Variants in NCLN observed in about 807,000 individuals in gnomAD.
NCLN encodes the protein nicalin.
Under a neutral mutation model 69.5 loss-of-function variants are expected in NCLN, and 34 were observed. The observed-to-expected ratio is 0.49, with a 90% confidence interval of 0.37 to 0.65. The LOEUF is 0.65. Ranked by LOEUF, NCLN falls within the 30% of genes least tolerant of loss-of-function variation. NCLN has a pLI of 0.00. For missense variants in NCLN, 710 were observed against 804.8 expected (o/e 0.88, Z 1.42); for synonymous variants, 393 against 358.3 (o/e 1.10, Z -1.09).
chr19:3,203,512 G>C (rs952488872), intron 6 of NCLN, among the ~76,000 whole-genome samples: 3 of 152,144 alleles, frequency 2.0e-5, no homozygotes, highest in Non-Finnish European at 4.4e-5. Context: ...TCCCGGTATG[G>C]GGTGGGTGAG....
intron 8 of NCLN, 95 bp downstream of exon 8, chr19:3,204,239 C>T (rs892886630): frequency 1.6e-4 from 221 of 1,379,452 alleles, no homozygotes; most frequent in South Asian, 8.2e-4. Flanking sequence ...CCTTGCTGTC[C>T]GCCCCTCAGG....
Position 3,207,791 on chromosome 19 carries a change from G to A in NCLN, c.*103G>A. On this transcript the variant is annotated 3_prime_UTR_variant, in exon 15 of 15. Transcript: ENST00000246117. ...GCCGCGGGCGGCCCTGCAGGGACAG[G>A]GGCCCTCTCCCTCCCCGGCGGTGGT... 2 of 962,074 alleles carry A rather than the reference G, an allele frequency of 2.1e-6. No homozygotes were observed. The highest frequency in any genetic ancestry group is 1.4e-5 in the South Asian group (1 of 70,580). 59.6% of individuals were successfully genotyped at this position (962,074 alleles called of 1,614,324 possible).
intron 5 of NCLN, 101 bp downstream of exon 5, chr19:3,198,998 C>A: frequency 3.8e-6 from 3 of 793,804 alleles, no homozygotes; most frequent in Non-Finnish European, 5.4e-6. Flanking sequence ...CGGCCAGGGT[C>A]AGCGGCTCTC....
At chr19:3,202,956 G>C (rs1916165792) in intron 6 of NCLN, among the ~76,000 whole-genome samples, 3 of 152,194 alleles carry the variant, frequency 2.0e-5, no homozygotes, top group South Asian at 2.1e-4. Flanking sequence ...GATGGGGGTA[G>C]GGGGCGTGCT....
intron 1 of NCLN, among the ~76,000 whole-genome samples, chr19:3,187,478 C>T (rs1038893746): frequency 2.6e-5 from 4 of 152,204 alleles, no homozygotes; most frequent in Admixed American, 2.0e-4. Context: ...GCGCGGGGAC[C>T]CCCAGCTTCT....
chr19:3,199,170 C>T (rs371081062), intron 5 of NCLN, among the ~76,000 whole-genome samples: 3 of 152,314 alleles, frequency 2.0e-5, no homozygotes, highest in South Asian at 2.1e-4. Context: ...CAGGGTTCCC[C>T]GGGCCAGCGC....
chr19:3,201,897 G>A (rs1916135225), intron 6 of NCLN, among the ~76,000 whole-genome samples: 1 of 152,164 alleles, frequency 6.6e-6, no homozygotes, highest in Non-Finnish European at 1.5e-5. Flanking sequence ...CCGGTTAAGG[G>A]CCCTGGAACT....
chr19:3,187,040 C>A (rs1159691795), intron 1 of NCLN, among the ~76,000 whole-genome samples: 1 of 151,800 alleles, frequency 6.6e-6, no homozygotes, highest in Non-Finnish European at 1.5e-5. Flanking sequence ...TTCCCTTTGA[C>A]CCCCTTTCTG....
chr19:3,189,542 G>A (rs1360191192), intron 1 of NCLN, among the ~76,000 whole-genome samples: 1 of 152,258 alleles, frequency 6.6e-6, no homozygotes, highest in Admixed American at 6.5e-5. Flanking sequence ...AGATAGACAG[G>A]TGCCCAGGCC....
rs563302059 is a variant in NCLN, at chr19:3,196,193, C to G, written c.531C>G (p.Arg177=). 2.6e-6 allele frequency: 4 copies of G among 1,552,644 alleles called. No individual in the cohort carries two copies. In the South Asian group the frequency reaches 4.8e-5, roughly 18 times the overall value. Residue 177 remains arginine, a synonymous_variant, in exon 4 of 15, where the codon CGC becomes CGG. Coordinates refer to ENST00000246117, the MANE Select transcript of NCLN (RefSeq NM_020170.4). ...GSASAAEVLL[R]TATANGFQMV... ...TCTCCCTCTCCCTAGTACTGCTGCGCACGGCCACTGCCAACGGCTTCCAGA... is the reference window on the plus strand; with the variant it reads ...TCTCCCTCTCCCTAGTACTGCTGCGGACGGCCACTGCCAACGGCTTCCAGA...
chr19:3,199,652 G>A (rs1916070896), intron 5 of NCLN, among the ~76,000 whole-genome samples: 1 of 150,688 alleles, frequency 6.6e-6, no homozygotes. Flanking sequence ...GGGTGGGGGG[G>A]CATGTACCAC....
chr19:3,198,622 ACCT>A (rs1408140076), intron 4 of NCLN, among the ~76,000 whole-genome samples, 192 bp from the exon 5 acceptor site: 3 of 151,180 alleles, frequency 2.0e-5, no homozygotes, highest in Non-Finnish European at 4.4e-5. Flanking sequence ...TCCCGGCTCT[ACCT>A]CCTCCCTGGA....
chr19:3,193,848 C>A lies in NCLN; in HGVS notation c.520+420C>A, dbSNP rs142809946. ...TGTCCTTACGGAGAAGGGGCACACG[C>A]CTTTCCTCCAGCCCCGTGAACGGGG... On this transcript the variant is annotated intron_variant, in intron 3 of 14. Transcript: ENST00000246117. Among the ~76,000 whole-genome samples, 576 of 152,362 alleles carry A rather than the reference C, an allele frequency of 3.8e-3. 12 individuals carry two copies. Among genetic ancestry groups the A allele is most frequent in the Admixed American group, 0.029 (437 of 15,308 alleles).
rs1023554111 is a variant in NCLN, at chr19:3,196,248, G to A, written c.586G>A (p.Val196Met). The A allele has an allele frequency of 1.3e-5, 20 of 1,552,392 alleles. No individual in the cohort carries two copies. The highest frequency in any genetic ancestry group is 1.6e-5 in the Non-Finnish European group (18 of 1,147,074). The change falls in exon 4 of 15, where the codon GTG becomes ATG. Residue 196 changes from valine (V) to methionine (M), a missense_variant. By Grantham distance (21) the Val-to-Met change is conservative (BLOSUM62 1). Coordinates refer to ENST00000246117, the MANE Select transcript of NCLN (RefSeq NM_020170.4). ...CACCAGCGGGGTACAGAGCAAGGCC[G>A]TGAGTGACTGGCTGATTGCCAGCGT... is the stretch of plus-strand genomic sequence containing the variant. ...MVTSGVQSKA[V>M]SDWLIASVEG...
chr19:3,195,482 G>A lies in NCLN; in HGVS notation c.521-701G>A, dbSNP rs908315749. 5.9e-5 allele frequency among the ~76,000 whole-genome samples: 9 copies of A among 152,146 alleles called. No individual in the cohort carries two copies. The East Asian group carries it at 1.2e-3, about 20-fold the overall frequency. On this transcript the variant is annotated intron_variant, in intron 3 of 14. Transcript: ENST00000246117. ...GCCAGGAGGGTCTCGATCTCCTGAC[G>A]TCGTGATTCGCCCGCCTCGGCCTCC...
intron 7 of NCLN, 78 bp downstream of exon 7, chr19:3,203,922 G>A (rs1916190657): frequency 1.9e-6 from 3 of 1,571,090 alleles, no homozygotes; most frequent in Non-Finnish European, 2.6e-6. Context: ...GGGTTGCCAT[G>A]GGGGCAGCCA....
intron 2 of NCLN, 80 bp downstream of exon 2, chr19:3,192,740 G>A (rs1915860616): frequency 7.6e-7 from 1 of 1,314,480 alleles, no homozygotes; most frequent in Admixed American, 3.2e-5. Context: ...CCCTAGGCGG[G>A]TCACTTCGCC....
intron 1 of NCLN, among the ~76,000 whole-genome samples, chr19:3,187,388 T>A (rs566476): frequency 0.49 from 74,742 of 151,994 alleles, 18,845 homozygotes; most frequent in African/African-American, 0.59. Context: ...TCCCGTCCGC[T>A]TGTTCTCCTG....
At chr19:3,200,879 G>C (rs914163651) in intron 5 of NCLN, among the ~76,000 whole-genome samples, 1 of 152,072 alleles carries the variant, frequency 6.6e-6, no homozygotes, top group African/African-American at 2.4e-5. Flanking sequence ...AAAGTCTTTT[G>C]GATCTGGCTT....
Sources: allele counts gnomAD v4.1 joint callset (sites outside exome capture counted in the v4.1 genomes callset), GRCh38; gene constraint gnomAD v4.1.1; transcripts MANE v1.5; gene names NCBI Gene and HGNC (gene_info 2026-07-23, HGNC 2026-07-21).